EEFSEC: variants seen among roughly 807,000 people sequenced by gnomAD.
EEFSEC encodes the protein selenocysteine-specific elongation factor.
In EEFSEC, 43 loss-of-function variants were observed where a neutral mutation model predicts 42.1. The observed-to-expected ratio is 1.02, with a 90% CI of 0.80 to 1.32. The LOEUF (loss-of-function observed/expected upper bound fraction) is 1.32, where lower values mean the gene tolerates loss of function less well. Ranked by LOEUF, EEFSEC falls within the 40% of genes most tolerant of loss-of-function variation. The probability of loss-of-function intolerance (pLI) is 0.00; values close to 1 mark genes in which losing one functional copy is unlikely to be tolerated. For missense variants in EEFSEC, 745 were observed against 803.6 expected (o/e 0.93, Z 0.88); for synonymous variants, 354 against 339.1 (o/e 1.04, Z -0.48).
At chr3:128,358,082 A>T in intron 5 of EEFSEC, 135 bp from the exon 6 acceptor site, 1 of 1,141,742 alleles carries the variant, frequency 8.8e-7, no homozygotes, top group Non-Finnish European at 1.2e-6. Context: ...TCACCAGGCT[A>T]CCCACAGGGT....
At chr3:128,402,551 C>T (rs1260230189) in intron 6 of EEFSEC, among the ~76,000 whole-genome samples, 2 of 152,236 alleles carry the variant, frequency 1.3e-5, no homozygotes, top group Non-Finnish European at 2.9e-5. Context: ...GCCGTGTGAC[C>T]TTGGGCAAGG....
intron 6 of EEFSEC, among the ~76,000 whole-genome samples, chr3:128,399,723 C>T (rs2068026955): frequency 6.6e-6 from 1 of 151,746 alleles, no homozygotes; most frequent in Admixed American, 6.6e-5. Flanking sequence ...CAGGGCTGTC[C>T]CCTCTCAGGG....
chr3:128,367,614 C>T, intron 6 of EEFSEC: 10 of 984,720 alleles, frequency 1.0e-5, no homozygotes, highest in Non-Finnish European at 1.2e-5. Flanking sequence ...CGTGAGACTG[C>T]AACATTGCTG....
chr3:128,383,829 G>A (rs2067805344), intron 6 of EEFSEC, among the ~76,000 whole-genome samples: 2 of 152,230 alleles, frequency 1.3e-5, no homozygotes, highest in South Asian at 4.1e-4. Context: ...TCAGGTAAAA[G>A]CAGCAGCACA....
In EEFSEC at chr3:128,408,110, C is replaced by T; in HGVS notation, c.1642C>T (p.Leu548Phe). The change falls in exon 7 of 7, where the codon CTC becomes TTC. Residue 548 changes from leucine (L) to phenylalanine (F), a missense_variant. By Grantham distance (22) the Leu-to-Phe change is conservative. Coordinates refer to ENST00000254730, the MANE Select transcript of EEFSEC (RefSeq NM_021937.5). ...PESKKILTPA[L>F]KKRARAGRGE... ...GTCCAAGAAGATCCTGACACCCGCCCTCAAGAAGCGGGCCCGGGCTGGCCG... is the reference window on the plus strand; with the variant it reads ...GTCCAAGAAGATCCTGACACCCGCCTTCAAGAAGCGGGCCCGGGCTGGCCG... 1 of 1,605,300 alleles carries T rather than the reference C, an allele frequency of 6.2e-7. No homozygotes were observed.
intron 1 of EEFSEC, among the ~76,000 whole-genome samples, chr3:128,160,209 C>G (rs1484208863): frequency 6.6e-6 from 1 of 152,198 alleles, no homozygotes; most frequent in African/African-American, 2.4e-5. Context: ...CATCAGAACC[C>G]GGAAGACACT....
chr3:128,351,376 CT>C (rs749646168), intron 5 of EEFSEC, among the ~76,000 whole-genome samples: 3 of 152,230 alleles, frequency 2.0e-5, no homozygotes, highest in Non-Finnish European at 4.4e-5. Flanking sequence ...ATCAACACCC[CT>C]GATCCTAACA....
intron 4 of EEFSEC, among the ~76,000 whole-genome samples, chr3:128,324,207 C>T (rs55675294): frequency 6.6e-6 from 1 of 151,920 alleles, no homozygotes; most frequent in Non-Finnish European, 1.5e-5. Context: ...TTCCCAAGGG[C>T]AGTTAATTCC....
chr3:128,231,283 A>G (rs546678505), intron 1 of EEFSEC, among the ~76,000 whole-genome samples: 4 of 152,318 alleles, frequency 2.6e-5, no homozygotes, highest in Admixed American at 6.5e-5. Context: ...CATTTTCACA[A>G]TGGAAATCAC....
At chr3:128,409,676 T>C (rs973627046), downstream of EEFSEC, among the ~76,000 whole-genome samples, 1 of 152,112 alleles carries the variant, frequency 6.6e-6, no homozygotes, top group African/African-American at 2.4e-5. Flanking sequence ...AGGCTGCGGG[T>C]GCCAGGGCGG....
At chr3:128,335,162 C>T (rs2067176395) in intron 4 of EEFSEC, among the ~76,000 whole-genome samples, 1 of 152,238 alleles carries the variant, frequency 6.6e-6, no homozygotes, top group Admixed American at 6.5e-5. Context: ...AGGCCTCCCA[C>T]ATTCCAGGCA....
At chr3:128,154,017 CT>C in intron 1 of EEFSEC, 194 bp downstream of exon 1, 1 of 687,234 alleles carries the variant, frequency 1.5e-6, no homozygotes, top group Non-Finnish European at 2.2e-6. Context: ...TGAGATTCAG[CT>C]TTTCCCATCC....
At chr3:128,354,813 A>G (rs56164108) in intron 5 of EEFSEC, among the ~76,000 whole-genome samples, 17,804 of 152,232 alleles carry the variant, frequency 0.12, 2,499 homozygotes, top group African/African-American at 0.34. Flanking sequence ...ACGTGTTCTG[A>G]AAGGCTAATA....
intron 4 of EEFSEC, among the ~76,000 whole-genome samples, chr3:128,293,959 G>A (rs944542828): frequency 2.6e-5 from 4 of 152,230 alleles, no homozygotes; most frequent in Admixed American, 2.6e-4. Flanking sequence ...AGTTAGGGAA[G>A]CTCACACACA....
chr3:128,209,447 G>A (rs1169977544), intron 1 of EEFSEC, among the ~76,000 whole-genome samples: 1 of 152,126 alleles, frequency 6.6e-6, no homozygotes, highest in African/African-American at 2.4e-5. Flanking sequence ...GGATGGTATG[G>A]GCCAGCTTCT....
At chr3:128,270,457 T>C (rs906510821) in intron 4 of EEFSEC, among the ~76,000 whole-genome samples, 9 of 152,214 alleles carry the variant, frequency 5.9e-5, no homozygotes, top group African/African-American at 2.2e-4. Flanking sequence ...GATAAAGCTT[T>C]TAGGGAAGAG....
At position 128,401,038 on chromosome 3, in the gene EEFSEC, G is replaced by A. The variant is rs145899401; in HGVS notation, c.1601-7031G>A. On this transcript the variant is annotated intron_variant, in intron 6 of 6. Transcript: ENST00000254730. Reference sequence around the variant, plus strand: ...GGGGTGGAGCAGGGCCATAGGCTCCGAGAATCCTGAGGTTTGGGAAAAAAG... The same window carrying A: ...GGGGTGGAGCAGGGCCATAGGCTCCAAGAATCCTGAGGTTTGGGAAAAAAG... Among the ~76,000 whole-genome samples the A allele has an allele frequency of 1.5e-3, 230 of 152,294 alleles. 1 individual carries two copies. The highest frequency in any genetic ancestry group is 5.3e-3 in the African/African-American group (221 of 41,560).
chr3:128,173,168 A>G (rs1427992804), intron 1 of EEFSEC, among the ~76,000 whole-genome samples: 1 of 152,168 alleles, frequency 6.6e-6, no homozygotes, highest in Non-Finnish European at 1.5e-5. Context: ...AAGGGTTTTG[A>G]GCTGAAGGCT....
chr3:128,390,200 A>G (rs2067891603), intron 6 of EEFSEC, among the ~76,000 whole-genome samples: 1 of 152,254 alleles, frequency 6.6e-6, no homozygotes, highest in South Asian at 2.1e-4. Context: ...TGATTAACAC[A>G]AAAGTGGGAC....
Sources: gnomAD v4.1 joint callset for allele counts (sites outside exome capture counted in the v4.1 genomes callset) on GRCh38, gnomAD v4.1.1 for gene constraint, MANE v1.5 for transcripts, NCBI Gene and HGNC (gene_info 2026-07-23, HGNC 2026-07-21) for gene names.